CCSER1: variants seen among roughly 807,000 people sequenced by gnomAD.
CCSER1 encodes serine-rich coiled-coil domain-containing protein 1.
A neutral mutation model predicts 82.0 loss-of-function variants in CCSER1; 41 were observed. That is an observed-to-expected ratio of 0.50 (90% CI 0.39 to 0.65). CCSER1 has a LOEUF of 0.65. Ranked by LOEUF, CCSER1 falls within the 30% of genes least tolerant of loss-of-function variation. The pLI is 0.00. For missense variants in CCSER1, 1,119 were observed against 1,064.2 expected, an observed-to-expected ratio of 1.05 and a Z score of -0.72; for synonymous variants, 414 against 383.9, an observed-to-expected ratio of 1.08 and a Z score of -0.92.
intron 7 of CCSER1, among the ~76,000 whole-genome samples, chr4:90,761,649 T>G (rs1750425103): frequency 6.6e-6 from 1 of 152,190 alleles, no homozygotes; most frequent in African/African-American, 2.4e-5. Flanking sequence ...GTGTAATTTT[T>G]AGGAGTTCAT....
At position 90,368,161 on chromosome 4, in the gene CCSER1, G is replaced by C. The variant is rs952539611; in HGVS notation, c.1510-31875G>C. Among the ~76,000 whole-genome samples, 36 of 151,880 alleles carry C rather than the reference G, an allele frequency of 2.4e-4. 2 individuals carry two copies. The highest frequency in any genetic ancestry group is 2.5e-4 in the Non-Finnish European group (17 of 67,932). ...AACAGATAGGAAGTTCTGATGAACA[G>C]AAAGTGTGATCTGAGAGTTTATAAA... On this transcript the variant is annotated intron_variant, in intron 3 of 10. Transcript: ENST00000509176.
intron 10 of CCSER1, among the ~76,000 whole-genome samples, chr4:91,333,187 T>C (rs1362868126): frequency 6.6e-6 from 1 of 151,918 alleles, no homozygotes; most frequent in African/African-American, 2.4e-5. Context: ...TATGGTTGGA[T>C]TGATAGTCCT....
At chr4:90,365,037 T>C (rs986070529) in intron 3 of CCSER1, among the ~76,000 whole-genome samples, 1 of 151,926 alleles carries the variant, frequency 6.6e-6, no homozygotes, top group African/African-American at 2.4e-5. Context: ...ATATGAGATG[T>C]TGACAGCCTA....
At chr4:90,756,370 A>T (rs1331277005) in intron 7 of CCSER1, among the ~76,000 whole-genome samples, 1 of 152,168 alleles carries the variant, frequency 6.6e-6, no homozygotes, top group African/African-American at 2.4e-5. Flanking sequence ...TTTCCTCTCC[A>T]TATTCAACTC....
chr4:91,545,284 G>T (rs1258254329), intron 10 of CCSER1, among the ~76,000 whole-genome samples: 1 of 152,068 alleles, frequency 6.6e-6, no homozygotes, highest in Non-Finnish European at 1.5e-5. Flanking sequence ...CCTGGGTGAG[G>T]TGATGCCCCG....
rs369581126 is a variant in CCSER1, at chr4:90,466,926, A to G, written c.1604-1308A>G. The stretch of plus-strand genomic sequence containing the variant: ...GTACAAGAATGTTCATAGACAATTG[A>G]AATAGCCCCAAACTGAAAATAGCTT... On this transcript the variant is annotated intron_variant, in intron 4 of 10. Transcript: ENST00000509176. Among the ~76,000 whole-genome samples, 38 of 152,342 alleles carry G rather than the reference A, an allele frequency of 2.5e-4. No homozygotes were observed. The South Asian group carries it at 7.9e-3, about 32-fold the overall frequency.
At chr4:91,001,391 A>G (rs1188826015) in intron 9 of CCSER1, among the ~76,000 whole-genome samples, 1 of 152,058 alleles carries the variant, frequency 6.6e-6, no homozygotes, top group African/African-American at 2.4e-5. Context: ...TATCTTTGGC[A>G]GGTTTGGTAT....
chr4:90,657,994 G>A (rs755066798), intron 6 of CCSER1, among the ~76,000 whole-genome samples: 5 of 152,068 alleles, frequency 3.3e-5, no homozygotes, highest in Non-Finnish European at 7.4e-5. Flanking sequence ...TCTCAGCTAT[G>A]TCAGGAGACT....
At chr4:90,429,330 C>T (rs991758350) in intron 4 of CCSER1, among the ~76,000 whole-genome samples, 2 of 151,692 alleles carry the variant, frequency 1.3e-5, no homozygotes, top group African/African-American at 4.8e-5. Flanking sequence ...ATATAAAAAG[C>T]TGTTTGGATG....
At chr4:91,092,582 G>T (rs1561542280) in intron 10 of CCSER1, among the ~76,000 whole-genome samples, 1 of 152,184 alleles carries the variant, frequency 6.6e-6, no homozygotes, top group Admixed American at 6.5e-5. Flanking sequence ...AGTGTGAGAT[G>T]TAGAAATACT....
chr4:91,503,372 T>G lies in CCSER1; in HGVS notation c.2218-95200T>G, dbSNP rs546468855. Among the ~76,000 whole-genome samples, 27 of 151,756 alleles carry G rather than the reference T, an allele frequency of 1.8e-4. No homozygotes were observed. The East Asian group carries it at 3.7e-3, about 21-fold the overall frequency. The stretch of plus-strand genomic sequence containing the variant: ...AAAAAAAAAGAAAAAAAGAAAGATT[T>G]CCATATTTTCAATGGCTATATGTGC... On this transcript the variant is annotated intron_variant, in intron 10 of 10. Transcript: ENST00000509176.
At chr4:90,757,267 A>C (rs1749685812) in intron 7 of CCSER1, among the ~76,000 whole-genome samples, 1 of 152,226 alleles carries the variant, frequency 6.6e-6, no homozygotes, top group South Asian at 2.1e-4. Flanking sequence ...TTGGTTGTAT[A>C]GACAGCAAAG....
At chr4:90,933,032 G>GAA (rs1259913752) in intron 9 of CCSER1, among the ~76,000 whole-genome samples, 1 of 96,392 alleles carries the variant, frequency 1.0e-5, no homozygotes, top group Non-Finnish European at 2.0e-5. Context: ...AAGAAAGAAA[G>GAA]AAAGAAAGAA....
At chr4:91,139,309 G>T (rs145439407) in intron 10 of CCSER1, among the ~76,000 whole-genome samples, 8 of 152,038 alleles carry the variant, frequency 5.3e-5, no homozygotes, top group Admixed American at 4.6e-4. Flanking sequence ...TGGGAAACTA[G>T]ATTGGTTCCC....
chr4:90,899,562 T>C (rs1724284149), intron 8 of CCSER1, among the ~76,000 whole-genome samples: 1 of 152,032 alleles, frequency 6.6e-6, no homozygotes, highest in Admixed American at 6.6e-5. Flanking sequence ...ACTTTTACCA[T>C]TCAGTATCAT....
intron 10 of CCSER1, among the ~76,000 whole-genome samples, chr4:91,300,863 C>A (rs1043309722): frequency 6.6e-6 from 1 of 151,762 alleles, no homozygotes; most frequent in Non-Finnish European, 1.5e-5. Flanking sequence ...AAACTGTGTT[C>A]CAACCAGTGT....
chr4:90,248,700 A>ATT (rs113045025), intron 1 of CCSER1, among the ~76,000 whole-genome samples: 4 of 143,524 alleles, frequency 2.8e-5, no homozygotes, highest in Non-Finnish European at 6.2e-5. Flanking sequence ...AGAATTTTAG[A>ATT]TTTTTTTTTT....
At chr4:90,915,751 A>G (rs924520829) in intron 8 of CCSER1, among the ~76,000 whole-genome samples, 6 of 152,058 alleles carry the variant, frequency 3.9e-5, no homozygotes, top group Admixed American at 2.0e-4. Flanking sequence ...ACATGATTGT[A>G]TATCTAGAAA....
intron 3 of CCSER1, among the ~76,000 whole-genome samples, chr4:90,330,616 G>T (rs956302613): frequency 2.0e-5 from 3 of 152,148 alleles, no homozygotes; most frequent in Non-Finnish European, 4.4e-5. Flanking sequence ...AGGCATAGAT[G>T]CTGGGTTTAC....
Sources: allele counts gnomAD v4.1 joint callset (sites outside exome capture counted in the v4.1 genomes callset), GRCh38; gene constraint gnomAD v4.1.1; transcripts MANE v1.5; gene names NCBI Gene and HGNC (gene_info 2026-07-23, HGNC 2026-07-21).